FGF12: variants seen among roughly 807,000 people sequenced by gnomAD.
FGF12 encodes the protein fibroblast growth factor 12.
In FGF12, 14 loss-of-function variants were observed where a neutral mutation model predicts 23.6. The ratio of observed to expected loss-of-function variants is 0.59; its 90% CI spans 0.39 to 0.93. The LOEUF is 0.93. FGF12 is among the 40% of genes least tolerant of loss of function. The probability of loss-of-function intolerance (pLI) is 0.00; values close to 1 mark genes in which losing one functional copy is unlikely to be tolerated. For synonymous variants in FGF12, 62 were observed against 77.3 expected, an observed-to-expected ratio of 0.80 and a Z score of 1.04; for missense variants, 175 against 217.8, an observed-to-expected ratio of 0.80 and a Z score of 1.24.
chr3:192,182,878 T>TG (rs34773619), intron 4 of FGF12, among the ~76,000 whole-genome samples: 1 of 152,168 alleles, frequency 6.6e-6, no homozygotes, highest in African/African-American at 2.4e-5. Context: ...GGGCTTTTAT[T>TG]GGGGGTCTTA....
chr3:192,301,307 T>C (rs890100828), intron 4 of FGF12, among the ~76,000 whole-genome samples: 1 of 152,160 alleles, frequency 6.6e-6, no homozygotes, highest in African/African-American at 2.4e-5. Context: ...ATCTTGCAAG[T>C]AGTGTCTTAA....
intron 2 of FGF12, among the ~76,000 whole-genome samples, chr3:192,718,827 A>T (rs562235800): frequency 2.6e-5 from 4 of 152,280 alleles, no homozygotes; most frequent in African/African-American, 9.6e-5. Flanking sequence ...GCTAGCTCAA[A>T]CCCACACTGA....
At chr3:192,624,898 C>A in intron 2 of FGF12, among the ~76,000 whole-genome samples, 1 of 152,102 alleles carries the variant, frequency 6.6e-6, no homozygotes, top group East Asian at 1.9e-4. Flanking sequence ...TGTTTTACTG[C>A]ATTCTTCCAG....
intron 4 of FGF12, among the ~76,000 whole-genome samples, chr3:192,319,614 TAAATA>T (rs1716424849): frequency 6.6e-6 from 1 of 151,714 alleles, no homozygotes; most frequent in Non-Finnish European, 1.5e-5. Flanking sequence ...AATAAATAAA[TAAATA>T]AAATAACTAC....
chr3:192,280,929 C>T (rs907912594), intron 4 of FGF12, among the ~76,000 whole-genome samples: 1 of 152,028 alleles, frequency 6.6e-6, no homozygotes, highest in Admixed American at 6.6e-5. Flanking sequence ...CTTATTTATT[C>T]TTGAAAATTC....
chr3:192,547,069 C>T (rs1364550120), intron 2 of FGF12, among the ~76,000 whole-genome samples: 4 of 152,080 alleles, frequency 2.6e-5, no homozygotes, highest in African/African-American at 9.7e-5. Flanking sequence ...AATAGTGGGG[C>T]AAGACAAACC....
intron 2 of FGF12, among the ~76,000 whole-genome samples, chr3:192,597,288 G>A (rs147536502): frequency 3.8e-4 from 58 of 152,168 alleles, no homozygotes; most frequent in African/African-American, 1.3e-3. Flanking sequence ...CTATTGAATC[G>A]TTCACGCACC....
chr3:192,369,140 C>T (rs893434529), intron 2 of FGF12, among the ~76,000 whole-genome samples: 1 of 152,192 alleles, frequency 6.6e-6, no homozygotes, highest in African/African-American at 2.4e-5. Context: ...CAACTCTATC[C>T]CAGCACCTAA....
At chr3:192,592,936 T>C (rs1452872107) in intron 2 of FGF12, among the ~76,000 whole-genome samples, 2 of 151,880 alleles carry the variant, frequency 1.3e-5, no homozygotes, top group African/African-American at 2.4e-5. Context: ...CTCACCTGCC[T>C]GCCATTACAA....
intron 4 of FGF12, among the ~76,000 whole-genome samples, chr3:192,289,049 C>T (rs1289100875): frequency 6.6e-6 from 1 of 152,038 alleles, no homozygotes; most frequent in Non-Finnish European, 1.5e-5. Context: ...GAAATCTTTC[C>T]AGGAAATTAG....
chr3:192,325,404 A>G lies in FGF12; in HGVS notation c.228+9957T>C, dbSNP rs1032887614. Among the ~76,000 whole-genome samples the G allele has an allele frequency of 2.6e-5, 4 of 152,276 alleles. No homozygotes were observed. In the East Asian group the frequency reaches 7.7e-4, roughly 29 times the overall value. On this transcript the variant is annotated intron_variant, in intron 4 of 5. Coordinates refer to ENST00000445105, the MANE Select transcript of FGF12 (RefSeq NM_004113.6). ...AATCTACCTGTTGAACAAGCCCCTAAGATTTGGCCTTTGACTTTTCTCTAT... is the reference window on the plus strand; with the variant it reads ...AATCTACCTGTTGAACAAGCCCCTAGGATTTGGCCTTTGACTTTTCTCTAT...
intron 2 of FGF12, among the ~76,000 whole-genome samples, chr3:192,633,787 T>C (rs1715482999): frequency 6.6e-6 from 1 of 152,180 alleles, no homozygotes; most frequent in Non-Finnish European, 1.5e-5. Context: ...AGTTTAGGGT[T>C]TTTGTTGCTC....
Position 192,170,341 on chromosome 3 carries a change from A to G in FGF12, c.427+117T>C, listed in dbSNP as rs1468668541. ...TGTGTTCTCTGAATATTTCTTTTGA[A>G]TCTTTCTTCTGATCTGTTGCATTCC... On this transcript the variant is annotated intron_variant, in intron 5 of 5. Transcript: ENST00000445105. 5.2e-6 allele frequency: 4 copies of G among 763,840 alleles called. No individual in the cohort carries two copies. In the Admixed American group the frequency reaches 1.0e-4, roughly 20 times the overall value. 47.3% of individuals were successfully genotyped at this position (763,840 alleles called of 1,614,324 possible).
chr3:192,224,071 G>C (rs67603125), intron 4 of FGF12, among the ~76,000 whole-genome samples: 9,142 of 152,126 alleles, frequency 0.06, 299 homozygotes, highest in South Asian at 0.081. Context: ...TTGCCTCAGG[G>C]TAGGGATTTT....
intron 4 of FGF12, among the ~76,000 whole-genome samples, chr3:192,207,154 C>T (rs1479348157): frequency 6.6e-6 from 1 of 152,178 alleles, no homozygotes; most frequent in African/African-American, 2.4e-5. Context: ...ATCCATTCAT[C>T]AGTGAAACGA....
chr3:192,149,421 G>A (rs1037985657), intron 5 of FGF12, among the ~76,000 whole-genome samples: 11 of 137,270 alleles, frequency 8.0e-5, no homozygotes, highest in Non-Finnish European at 1.3e-4. Context: ...CCACTAACTC[G>A]TCATCTAGCA....
At chr3:192,685,253 G>A (rs1717690022) in intron 2 of FGF12, among the ~76,000 whole-genome samples, 1 of 151,972 alleles carries the variant, frequency 6.6e-6, no homozygotes, top group South Asian at 2.1e-4. Flanking sequence ...GGGTTTCACC[G>A]TGTTAGTCAG....
At chr3:192,606,469 G>A (rs755306092) in intron 2 of FGF12, among the ~76,000 whole-genome samples, 9 of 152,002 alleles carry the variant, frequency 5.9e-5, no homozygotes, top group Admixed American at 1.3e-4. Flanking sequence ...CCAAACCTCA[G>A]TATCACACAA....
chr3:192,177,239 A>G (rs2108628312), intron 4 of FGF12, among the ~76,000 whole-genome samples: 1 of 152,356 alleles, frequency 6.6e-6, no homozygotes, highest in Middle Eastern at 3.4e-3. Flanking sequence ...CGTTTACTAT[A>G]CAGACTAGGA....
Sources: allele counts gnomAD v4.1 joint callset (sites outside exome capture counted in the v4.1 genomes callset), GRCh38; gene constraint gnomAD v4.1.1; transcripts MANE v1.5; gene names NCBI Gene and HGNC (gene_info 2026-07-23, HGNC 2026-07-21).